The following CFDP1 variants were observed in gnomAD, a reference collection of about 807,000 sequenced individuals.
CFDP1 encodes heterochromatin-stabilizing protein CFDP1.
In CFDP1, 31 loss-of-function variants were observed where a neutral mutation model predicts 40.1. The ratio of observed to expected loss-of-function variants is 0.77; its 90% CI spans 0.58 to 1.04. The LOEUF (loss-of-function observed/expected upper bound fraction) is 1.04, where lower values mean the gene tolerates loss of function less well. Ranked by LOEUF, CFDP1 falls within the 50% of genes least tolerant of loss-of-function variation. CFDP1 has a pLI of 0.00. For synonymous variants in CFDP1, 167 were observed against 120.0 expected (o/e 1.39, Z -2.56); for missense variants, 423 against 343.4 (o/e 1.23, Z -1.83).
chr16:75,375,009 G>A (rs760902903), intron 5 of CFDP1, among the ~76,000 whole-genome samples: 10 of 151,218 alleles, frequency 6.6e-5, no homozygotes, highest in Non-Finnish European at 1.0e-4. Flanking sequence ...ATATCTCTGT[G>A]TTGCTTGAAT....
chr16:75,355,325 GAT>G (rs999549463), intron 5 of CFDP1, among the ~76,000 whole-genome samples: 8 of 152,194 alleles, frequency 5.3e-5, no homozygotes, highest in Non-Finnish European at 1.2e-4. Context: ...AATGCTGTTT[GAT>G]AGCATTTTAC....
At chr16:75,349,779 A>G (rs547388157) in intron 5 of CFDP1, among the ~76,000 whole-genome samples, 2 of 142,530 alleles carry the variant, frequency 1.4e-5, no homozygotes, top group Admixed American at 1.5e-4. Context: ...GTTCTAATCA[A>G]TTTTTAGTGG....
chr16:75,432,081 T>G (rs1347568215), intron 1 of CFDP1, among the ~76,000 whole-genome samples: 2 of 151,344 alleles, frequency 1.3e-5, no homozygotes, highest in Non-Finnish European at 3.0e-5. Context: ...CCAGCTAATT[T>G]TTGTGTTTTT....
intron 6 of CFDP1, among the ~76,000 whole-genome samples, chr16:75,302,347 A>G (rs1305889803): frequency 1.3e-5 from 2 of 152,166 alleles, no homozygotes; most frequent in Admixed American, 6.5e-5. Context: ...TGCAGCCTCA[A>G]TCTTCTGGAG....
At chr16:75,353,676 G>A (rs1166349979) in intron 5 of CFDP1, among the ~76,000 whole-genome samples, 1 of 150,838 alleles carries the variant, frequency 6.6e-6, no homozygotes, top group Non-Finnish European at 1.5e-5. Flanking sequence ...ATGAACCCGG[G>A]AGGTGGAGCT....
At chr16:75,414,948 T>C (rs984447980) in intron 1 of CFDP1, among the ~76,000 whole-genome samples, 2 of 152,142 alleles carry the variant, frequency 1.3e-5, no homozygotes, top group African/African-American at 2.4e-5. Flanking sequence ...CCACTTATAT[T>C]TAATGTTGGT....
At chr16:75,349,420 G>T (rs1029496760) in intron 5 of CFDP1, among the ~76,000 whole-genome samples, 25 of 151,024 alleles carry the variant, frequency 1.7e-4, no homozygotes, top group Non-Finnish European at 2.9e-4. Context: ...TGAGGCAGGA[G>T]AATCACTTGA....
chr16:75,347,361 A>G (rs1195354208), intron 5 of CFDP1, among the ~76,000 whole-genome samples: 2 of 89,414 alleles, frequency 2.2e-5, no homozygotes, highest in South Asian at 3.4e-4. Flanking sequence ...AAAAAAAAAA[A>G]AAAGAAAAAG....
intron 5 of CFDP1, among the ~76,000 whole-genome samples, chr16:75,371,610 C>T (rs956574023): frequency 2.6e-5 from 4 of 152,118 alleles, no homozygotes; most frequent in East Asian, 1.9e-4. Flanking sequence ...TATTTTAGTA[C>T]ATAAAAATAT....
chr16:75,416,018 G>A (rs1223680919), intron 1 of CFDP1, among the ~76,000 whole-genome samples: 2 of 152,008 alleles, frequency 1.3e-5, no homozygotes, highest in African/African-American at 4.8e-5. Flanking sequence ...ACACCCAGCT[G>A]ATTTTTATAC....
At chr16:75,405,607 C>G (rs1030421191) in intron 4 of CFDP1, among the ~76,000 whole-genome samples, 19 of 151,952 alleles carry the variant, frequency 1.3e-4, no homozygotes, top group Non-Finnish European at 1.8e-4. Context: ...AAAAATTTAG[C>G]CAGGCATGGT....
intron 5 of CFDP1, among the ~76,000 whole-genome samples, chr16:75,326,954 G>A (rs1316160902): frequency 1.3e-5 from 2 of 152,216 alleles, no homozygotes; most frequent in African/African-American, 4.8e-5. Flanking sequence ...TCCTGAGGAA[G>A]TTATTAGAGG....
chr16:75,330,713 T>C (rs1223633024), intron 5 of CFDP1, among the ~76,000 whole-genome samples: 1 of 152,256 alleles, frequency 6.6e-6, no homozygotes, highest in Non-Finnish European at 1.5e-5. Context: ...ACTCAATTTA[T>C]TGCTCTTTTC....
At chr16:75,400,166 T>C (rs1205046958) in intron 4 of CFDP1, among the ~76,000 whole-genome samples, 1 of 147,814 alleles carries the variant, frequency 6.8e-6, no homozygotes, top group African/African-American at 2.5e-5. Flanking sequence ...CCTGTAGTCC[T>C]AGATGCTTGG....
chr16:75,420,803 A>C (rs1279991789), intron 1 of CFDP1, among the ~76,000 whole-genome samples: 1 of 152,218 alleles, frequency 6.6e-6, no homozygotes, highest in Non-Finnish European at 1.5e-5. Context: ...GTGAGTTTTC[A>C]CTAAAGGATT....
chr16:75,395,029 T>C (rs1429811271), intron 5 of CFDP1, 61 bp downstream of exon 5: 1 of 1,602,242 alleles, frequency 6.2e-7, no homozygotes, highest in Non-Finnish European at 8.5e-7. Context: ...AAAGTAGGTA[T>C]TTGCACTGAA....
At chr16:75,371,551 G>C in intron 5 of CFDP1, among the ~76,000 whole-genome samples, 1 of 152,154 alleles carries the variant, frequency 6.6e-6, no homozygotes. Flanking sequence ...TTGTAGTTGG[G>C]AAATTCCTGT....
intron 5 of CFDP1, among the ~76,000 whole-genome samples, chr16:75,357,462 C>T (rs774227013): frequency 6.6e-6 from 1 of 152,046 alleles, no homozygotes; most frequent in Non-Finnish European, 1.5e-5. Context: ...ACCATATTGG[C>T]CAGGCTGGTC....
intron 5 of CFDP1, among the ~76,000 whole-genome samples, chr16:75,364,738 T>A (rs1392373190): frequency 6.6e-6 from 1 of 152,260 alleles, no homozygotes; most frequent in Non-Finnish European, 1.5e-5. Flanking sequence ...GTAATGAGTT[T>A]ACCACTGTTA....
Sources: gnomAD v4.1 joint callset for allele counts (sites outside exome capture counted in the v4.1 genomes callset) on GRCh38, gnomAD v4.1.1 for gene constraint, MANE v1.5 for transcripts, NCBI Gene and HGNC (gene_info 2026-07-23, HGNC 2026-07-21) for gene names.